The following CACNA2D3 variants were observed in gnomAD, a reference collection of about 807,000 sequenced individuals.
CACNA2D3 encodes calcium voltage-gated channel auxiliary subunit alpha2delta 3, also known as voltage-dependent calcium channel subunit alpha-2/delta-3.
A neutral mutation model predicts 160.6 loss-of-function variants in CACNA2D3; 60 were observed. The observed-to-expected ratio is 0.37, with a 90% confidence interval of 0.30 to 0.46. The LOEUF is 0.46. Ranked by LOEUF, CACNA2D3 falls within the 20% of genes least tolerant of loss-of-function variation. The pLI is 1.00. For missense variants in CACNA2D3, 1,205 were observed against 1,365.0 expected (o/e 0.88, Z 1.85); for synonymous variants, 558 against 492.9 (o/e 1.13, Z -1.75).
chr3:54,587,295 G>T (rs947421769), intron 9 of CACNA2D3, among the ~76,000 whole-genome samples: 2 of 152,072 alleles, frequency 1.3e-5, no homozygotes, highest in African/African-American at 4.8e-5. Context: ...GGTGGCTCAA[G>T]CATGTAATCC....
chr3:54,597,050 A>C (rs1260960295), intron 9 of CACNA2D3, among the ~76,000 whole-genome samples: 1 of 152,196 alleles, frequency 6.6e-6, no homozygotes, highest in Non-Finnish European at 1.5e-5. Flanking sequence ...CTCCATAGAT[A>C]GCATTGAATG....
At chr3:54,211,687 G>A (rs535407707) in intron 2 of CACNA2D3, among the ~76,000 whole-genome samples, 1 of 152,148 alleles carries the variant, frequency 6.6e-6, no homozygotes, top group African/African-American at 2.4e-5. Context: ...GTCCTTAGTC[G>A]ACAAGGACTC....
Position 55,048,735 on chromosome 3 carries a change from A to T in CACNA2D3, c.2988-24710A>T, listed in dbSNP as rs58911904. Among the ~76,000 whole-genome samples, 192 of 137,090 alleles carry T rather than the reference A, an allele frequency of 1.4e-3. 19 individuals carry two copies. The highest frequency in any genetic ancestry group is 4.7e-3 in the African/African-American group (168 of 35,486). The allele number at this position is 137,090 out of a possible 152,430, so 89.9% of individuals were successfully genotyped here. On this transcript the variant is annotated intron_variant, in intron 35 of 37. Coordinates refer to ENST00000474759, the MANE Select transcript of CACNA2D3 (RefSeq NM_018398.3). ...CGGCTGTGAATCCATCTGGTCCTGG[A>T]CTCTTTTTGGTTGGTAAACTATTGA...
At chr3:54,715,451 T>C (rs2106972441) in intron 11 of CACNA2D3, among the ~76,000 whole-genome samples, 1 of 152,192 alleles carries the variant, frequency 6.6e-6, no homozygotes, top group East Asian at 1.9e-4. Context: ...TATGAAGGAT[T>C]CATTATGTCC....
At chr3:54,541,513 G>C (rs77030153) in intron 5 of CACNA2D3, among the ~76,000 whole-genome samples, 9,487 of 152,118 alleles carry the variant, frequency 0.062, 350 homozygotes, top group East Asian at 0.14. Context: ...TTTACTCCAG[G>C]CTTCTGGCCT....
intron 4 of CACNA2D3, among the ~76,000 whole-genome samples, chr3:54,484,456 A>G (rs1185474538): frequency 5.9e-5 from 9 of 152,166 alleles, no homozygotes. Flanking sequence ...TGGAAAAGAC[A>G]TTAGGAAAAT....
intron 14 of CACNA2D3, among the ~76,000 whole-genome samples, chr3:54,823,640 T>G (rs948207407): frequency 2.0e-5 from 3 of 152,148 alleles, no homozygotes. Context: ...TAAGAAGCCA[T>G]AAACAAAACC....
At position 54,539,441 on chromosome 3, in the gene CACNA2D3, G is replaced by A. The variant is rs1701936788; in HGVS notation, c.545-23359G>A. 2.6e-5 allele frequency among the ~76,000 whole-genome samples: 4 copies of A among 152,208 alleles called. No homozygotes were observed. The South Asian group carries it at 8.3e-4, about 32-fold the overall frequency. ...TGCCCAGGACCATCAGTATCCTGTT[G>A]CATTTTGAAGGGGTGTGTGTGTGTT... is the stretch of plus-strand genomic sequence containing the variant. On this transcript the variant is annotated intron_variant, in intron 5 of 37. Coordinates refer to ENST00000474759, the MANE Select transcript of CACNA2D3 (RefSeq NM_018398.3).
chr3:54,689,989 A>G (rs1575424988), intron 11 of CACNA2D3, among the ~76,000 whole-genome samples: 1 of 151,628 alleles, frequency 6.6e-6, no homozygotes, highest in Non-Finnish European at 1.5e-5. Context: ...AGCCTGGACA[A>G]CCTCCTTACA....
intron 2 of CACNA2D3, among the ~76,000 whole-genome samples, chr3:54,195,056 A>G (rs1315518820): frequency 1.3e-5 from 2 of 152,194 alleles, no homozygotes; most frequent in Non-Finnish European, 2.9e-5. Context: ...TTACATGATA[A>G]CCTGTCAATT....
chr3:54,469,006 A>G (rs930995152), intron 4 of CACNA2D3, among the ~76,000 whole-genome samples: 1 of 152,210 alleles, frequency 6.6e-6, no homozygotes, highest in Non-Finnish European at 1.5e-5. Flanking sequence ...CAGCTTCAGC[A>G]GACTTAAATG....
intron 12 of CACNA2D3, 106 bp downstream of exon 12, chr3:54,752,783 C>A: frequency 1.3e-6 from 1 of 756,550 alleles, no homozygotes; most frequent in Non-Finnish European, 2.3e-6. Flanking sequence ...AAGATAAAGT[C>A]TGGGTATATC....
intron 3 of CACNA2D3, among the ~76,000 whole-genome samples, chr3:54,368,917 A>G (rs948403686): frequency 4.0e-5 from 6 of 151,518 alleles, no homozygotes; most frequent in African/African-American, 4.8e-5. Context: ...TAGCCAGGAT[A>G]GTCTCTATCT....
chr3:55,043,216 C>G (rs1703995444), intron 35 of CACNA2D3, among the ~76,000 whole-genome samples: 1 of 151,980 alleles, frequency 6.6e-6, no homozygotes, highest in Non-Finnish European at 1.5e-5. Context: ...TACCATTTTG[C>G]CTTCTTGTCA....
intron 30 of CACNA2D3, among the ~76,000 whole-genome samples, 188 bp downstream of exon 30, chr3:54,984,858 G>A (rs1005008753): frequency 4.6e-5 from 7 of 152,172 alleles, no homozygotes; most frequent in Non-Finnish European, 7.3e-5. Flanking sequence ...GCCCCAAAGA[G>A]TTTTTACCTC....
intron 13 of CACNA2D3, among the ~76,000 whole-genome samples, chr3:54,811,324 C>G (rs995662942): frequency 1.3e-5 from 2 of 152,066 alleles, no homozygotes; most frequent in African/African-American, 4.8e-5. Flanking sequence ...TTGCATTTAT[C>G]AAGGACCAAC....
intron 2 of CACNA2D3, among the ~76,000 whole-genome samples, chr3:54,277,127 C>T (rs1011904320): frequency 7.2e-5 from 11 of 152,256 alleles, no homozygotes; most frequent in African/African-American, 2.7e-4. Context: ...GAGGCCCCCA[C>T]ACGCTGCCCT....
chr3:54,677,518 A>G (rs1700263489), intron 11 of CACNA2D3, among the ~76,000 whole-genome samples: 1 of 152,092 alleles, frequency 6.6e-6, no homozygotes, highest in African/African-American at 2.4e-5. Flanking sequence ...TTCCTTTGAA[A>G]GCAATGTATT....
intron 8 of CACNA2D3, among the ~76,000 whole-genome samples, chr3:54,575,945 A>G (rs907228799): frequency 4.6e-5 from 7 of 152,084 alleles, no homozygotes; most frequent in East Asian, 3.9e-4. Context: ...TGTGGAGGCA[A>G]GTGGATCCGG....
Sources: gnomAD v4.1 joint callset for allele counts (sites outside exome capture counted in the v4.1 genomes callset) on GRCh38, gnomAD v4.1.1 for gene constraint, MANE v1.5 for transcripts, NCBI Gene and HGNC (gene_info 2026-07-23, HGNC 2026-07-21) for gene names.